The following PALM2AKAP2 variants were observed in gnomAD, a reference collection of about 807,000 sequenced individuals.
PALM2AKAP2 encodes PALM2-AKAP2 fusion protein.
Under a neutral mutation model 71.5 loss-of-function variants are expected in PALM2AKAP2, and 37 were observed. That is an observed-to-expected ratio of 0.52 (90% CI 0.40 to 0.68). The LOEUF is 0.68. Ranked by LOEUF, PALM2AKAP2 falls within the 30% of genes least tolerant of loss-of-function variation. PALM2AKAP2 has a pLI of 0.00. For synonymous variants in PALM2AKAP2, 468 were observed against 478.8 expected (o/e 0.98, Z 0.29); for missense variants, 1,224 against 1,191.8 (o/e 1.03, Z -0.40).
At chr9:109,868,209 C>A (rs938898857) in intron 2 of PALM2AKAP2, among the ~76,000 whole-genome samples, 1 of 152,180 alleles carries the variant, frequency 6.6e-6, no homozygotes, top group African/African-American at 2.4e-5. Flanking sequence ...AGACAGCACA[C>A]AAGAGCTGTT....
Position 109,789,211 on chromosome 9 carries a change from ATG to A in PALM2AKAP2, c.45+8679_45+8680del, listed in dbSNP as rs1827043901. On this transcript the variant is annotated intron_variant, in intron 1 of 9. Transcript: ENST00000302798. ...AGTAGAGAAGATATCCAGCAACACC[ATG>A]ACAGCCCCATTGAGAGAGGCTTGCC... Among the ~76,000 whole-genome samples the A allele has an allele frequency of 2.6e-5, 4 of 152,204 alleles. No homozygotes were observed. In the South Asian group the frequency reaches 8.3e-4, roughly 32 times the overall value.
intron 1 of PALM2AKAP2, chr9:109,640,906 C>G (rs755978072): frequency 6.0e-6 from 9 of 1,502,784 alleles, no homozygotes; most frequent in African/African-American, 5.7e-5. Context: ...GCTCTCCTCT[C>G]GGCATGTTGC....
chr9:109,906,712 T>C (rs1830454390), intron 3 of PALM2AKAP2, among the ~76,000 whole-genome samples: 1 of 152,244 alleles, frequency 6.6e-6, no homozygotes, highest in African/African-American at 2.4e-5. Flanking sequence ...TTTCACTCTG[T>C]AACCCTTTCA....
chr9:109,964,547 G>A (rs908118780), intron 6 of PALM2AKAP2, among the ~76,000 whole-genome samples: 1 of 152,140 alleles, frequency 6.6e-6, no homozygotes, highest in Non-Finnish European at 1.5e-5. Flanking sequence ...ACCCAATTTA[G>A]CCTGTGACTT....
intron 1 of PALM2AKAP2, among the ~76,000 whole-genome samples, chr9:109,650,737 A>G (rs1218885299): frequency 1.3e-5 from 2 of 152,176 alleles, no homozygotes; most frequent in Admixed American, 1.3e-4. Context: ...CACAGTAGAC[A>G]CAATTTTCCT....
At chr9:110,090,048 T>A (rs1179386555) in intron 1 of PALM2AKAP2, 2 of 179,862 alleles carry the variant, frequency 1.1e-5, no homozygotes, top group East Asian at 3.2e-4. Flanking sequence ...TGTAATCTGA[T>A]CATTAGTAGC....
At chr9:109,760,501 G>A (rs1702913081) in intron 1 of PALM2AKAP2, 1 of 152,178 alleles carries the variant, frequency 6.6e-6, no homozygotes, top group South Asian at 2.1e-4. Flanking sequence ...TGAGGTTCAA[G>A]TTATTTGACT....
At chr9:109,858,459 C>T (rs1193299946) in intron 1 of PALM2AKAP2, among the ~76,000 whole-genome samples, 2 of 152,060 alleles carry the variant, frequency 1.3e-5, no homozygotes, top group Non-Finnish European at 2.9e-5. Context: ...CTAAGCTGGC[C>T]CAACCTACTC....
At chr9:109,886,629 AGTCTTTT>A (rs1829972470) in intron 3 of PALM2AKAP2, among the ~76,000 whole-genome samples, 1 of 152,196 alleles carries the variant, frequency 6.6e-6, no homozygotes, top group Non-Finnish European at 1.5e-5. Flanking sequence ...ACCTTGGGCA[AGTCTTTT>A]GCTCTCTTCA....
intron 5 of PALM2AKAP2, among the ~76,000 whole-genome samples, chr9:109,929,887 A>AAT (rs768243071): frequency 4.9e-5 from 7 of 143,630 alleles, no homozygotes; most frequent in Non-Finnish European, 6.1e-5. Flanking sequence ...AAAAAAAAAA[A>AAT]GAGAGAGAAT....
rs1240942879 is a variant in PALM2AKAP2, at chr9:109,949,374, A to G, written c.496+17346A>G. On this transcript the variant is annotated intron_variant, in intron 6 of 9. Transcript: ENST00000302798. ...TGGACTCAAATTCTATGATTGAGCCATGACTGAGGAATGTGCCCATTCGTT... is the reference window on the plus strand; with the variant it reads ...TGGACTCAAATTCTATGATTGAGCCGTGACTGAGGAATGTGCCCATTCGTT... Among the ~76,000 whole-genome samples, 4 of 152,370 alleles carry G rather than the reference A, an allele frequency of 2.6e-5. No homozygotes were observed. The East Asian group carries it at 5.8e-4, about 22-fold the overall frequency.
chr9:109,938,494 TAA>T (rs1831282865), intron 6 of PALM2AKAP2, among the ~76,000 whole-genome samples: 1 of 152,146 alleles, frequency 6.6e-6, no homozygotes, highest in Non-Finnish European at 1.5e-5. Context: ...ATAACATATC[TAA>T]GTTTATTTTA....
chr9:109,649,069 G>A (rs918324679), intron 1 of PALM2AKAP2, among the ~76,000 whole-genome samples: 1 of 150,236 alleles, frequency 6.7e-6, no homozygotes, highest in African/African-American at 2.4e-5. Context: ...TTTTTTTTTT[G>A]GCTTTGATGC....
chr9:109,969,102 A>ACG (rs1832014429), intron 6 of PALM2AKAP2, among the ~76,000 whole-genome samples: 1 of 151,886 alleles, frequency 6.6e-6, no homozygotes, highest in Non-Finnish European at 1.5e-5. Context: ...ACACACACAC[A>ACG]CACACACACA....
intron 1 of PALM2AKAP2, among the ~76,000 whole-genome samples, chr9:109,727,341 C>T (rs1587884560): frequency 6.6e-6 from 1 of 152,150 alleles, no homozygotes; most frequent in East Asian, 1.9e-4. Context: ...TGAAATGAGC[C>T]CTGATATTAG....
intron 3 of PALM2AKAP2, among the ~76,000 whole-genome samples, chr9:110,163,024 C>A (rs1413148292): frequency 6.6e-6 from 1 of 152,138 alleles, no homozygotes; most frequent in African/African-American, 2.4e-5. Flanking sequence ...CAAAAGTCTT[C>A]TTTCCTTTTA....
At chr9:109,774,102 C>T (rs1829314698) in intron 1 of PALM2AKAP2, among the ~76,000 whole-genome samples, 2 of 152,202 alleles carry the variant, frequency 1.3e-5, no homozygotes, top group Non-Finnish European at 2.9e-5. Context: ...GCAGAATGTA[C>T]ACGGCATTAT....
chr9:109,970,097 A>G (rs1832037084), intron 6 of PALM2AKAP2, among the ~76,000 whole-genome samples: 1 of 151,982 alleles, frequency 6.6e-6, no homozygotes, highest in Admixed American at 6.6e-5. Context: ...GGGAACTTGA[A>G]CTCCCTGAGA....
intron 6 of PALM2AKAP2, among the ~76,000 whole-genome samples, chr9:109,934,845 T>C (rs1029709436): frequency 6.6e-5 from 10 of 152,376 alleles, no homozygotes; most frequent in African/African-American, 1.2e-4. Context: ...TGTTCATACA[T>C]AGAAGGACCT....
Sources: allele counts gnomAD v4.1 joint callset (sites outside exome capture counted in the v4.1 genomes callset), GRCh38; gene constraint gnomAD v4.1.1; transcripts MANE v1.5; gene names NCBI Gene and HGNC (gene_info 2026-07-23, HGNC 2026-07-21).